PLEKHG1: variants seen among roughly 807,000 people sequenced by gnomAD.
PLEKHG1 encodes the protein pleckstrin homology and RhoGEF domain containing G1.
A neutral mutation model predicts 100.8 loss-of-function variants in PLEKHG1; 44 were observed. The observed-to-expected ratio is 0.44, with a 90% confidence interval of 0.34 to 0.56. PLEKHG1 has a LOEUF of 0.56. PLEKHG1 is among the 20% of genes least tolerant of loss of function. The pLI is 0.01. For missense variants in PLEKHG1, 1,545 were observed against 1,720.9 expected (o/e 0.90, Z 1.81); for synonymous variants, 640 against 662.5 (o/e 0.97, Z 0.52).
intron 5 of PLEKHG1, among the ~76,000 whole-genome samples, chr6:150,797,043 T>A (rs1473067168): frequency 6.6e-6 from 1 of 151,958 alleles, no homozygotes; most frequent in Non-Finnish European, 1.5e-5. Flanking sequence ...CAGGCTGGAG[T>A]GCAGTGGCGC....
chr6:150,649,112 T>C (rs984721755), intron 2 of PLEKHG1, among the ~76,000 whole-genome samples: 3 of 152,158 alleles, frequency 2.0e-5, no homozygotes, highest in African/African-American at 7.2e-5. Context: ...GCTTAAACAT[T>C]TAATTTCTTT....
At chr6:150,701,459 ATATATAT>A (rs2128599079) in intron 3 of PLEKHG1, among the ~76,000 whole-genome samples, 1 of 82,684 alleles carries the variant, frequency 1.2e-5, no homozygotes, top group Admixed American at 1.1e-4. Context: ...ATATATATAT[ATATATAT>A]AATTATACTT....
At chr6:150,610,848 T>C (rs1349240001) in intron 1 of PLEKHG1, among the ~76,000 whole-genome samples, 6 of 152,246 alleles carry the variant, frequency 3.9e-5, no homozygotes, top group African/African-American at 1.2e-4. Context: ...CACTGGTTTA[T>C]TGTAGAGTTG....
chr6:150,767,641 C>A (rs1405690827), intron 2 of PLEKHG1, among the ~76,000 whole-genome samples: 1 of 152,204 alleles, frequency 6.6e-6, no homozygotes, highest in East Asian at 1.9e-4. Context: ...CTTCTCCTTT[C>A]TCTAGCTGCA....
intron 1 of PLEKHG1, among the ~76,000 whole-genome samples, chr6:150,607,167 A>G (rs1016735167): frequency 1.3e-5 from 2 of 152,180 alleles, no homozygotes; most frequent in African/African-American, 2.4e-5. Flanking sequence ...TAAGCATTCC[A>G]GGGATGCTGG....
intron 1 of PLEKHG1, chr6:150,626,165 G>A (rs951654877): frequency 1.3e-5 from 2 of 150,900 alleles, no homozygotes; most frequent in African/African-American, 2.4e-5. Context: ...GGGGCGGGGG[G>A]TCTGTTGTAC....
intron 2 of PLEKHG1, among the ~76,000 whole-genome samples, chr6:150,741,876 C>T (rs981183443): frequency 5.9e-5 from 9 of 152,184 alleles, no homozygotes; most frequent in African/African-American, 2.2e-4. Context: ...GAGTTGTGTA[C>T]GTTGTAGGAA....
At chr6:150,608,242 T>A (rs997561305) in intron 1 of PLEKHG1, among the ~76,000 whole-genome samples, 6 of 152,188 alleles carry the variant, frequency 3.9e-5, no homozygotes. Context: ...TTAGAACTTA[T>A]CTGAAAATGG....
chr6:150,649,316 A>T (rs1346809209), intron 2 of PLEKHG1, among the ~76,000 whole-genome samples: 2 of 152,168 alleles, frequency 1.3e-5, no homozygotes, highest in African/African-American at 4.8e-5. Flanking sequence ...GTTTTTCAAA[A>T]ATTTTGGAAT....
chr6:150,792,367 A>AG (rs1467712284), intron 4 of PLEKHG1, among the ~76,000 whole-genome samples: 3 of 144,400 alleles, frequency 2.1e-5, no homozygotes, highest in African/African-American at 7.7e-5. Context: ...CAAAAAAAAA[A>AG]AAAACCAAAA....
At chr6:150,726,237 A>T (rs1288621256) in intron 1 of PLEKHG1, among the ~76,000 whole-genome samples, 1 of 152,194 alleles carries the variant, frequency 6.6e-6, no homozygotes, top group Non-Finnish European at 1.5e-5. Flanking sequence ...TATACTTAAA[A>T]TACTGCTAAG....
intron 1 of PLEKHG1, among the ~76,000 whole-genome samples, chr6:150,732,414 G>GA (rs1344705467): frequency 1.1e-4 from 17 of 152,194 alleles, no homozygotes; most frequent in African/African-American, 4.1e-4. Context: ...GCTGTGTTGA[G>GA]AGGATAAGTT....
intron 6 of PLEKHG1, among the ~76,000 whole-genome samples, chr6:150,801,117 C>G (rs868365032): frequency 6.6e-6 from 1 of 152,160 alleles, no homozygotes; most frequent in East Asian, 1.9e-4. Flanking sequence ...AGGAGTGCCT[C>G]GCCCTGTGCA....
intron 3 of PLEKHG1, among the ~76,000 whole-genome samples, chr6:150,661,154 G>A (rs181092623): frequency 1.3e-3 from 194 of 152,312 alleles, no homozygotes; most frequent in Non-Finnish European, 1.8e-3. Context: ...GGTCTCACTC[G>A]CCTTGTCTAC....
intron 3 of PLEKHG1, among the ~76,000 whole-genome samples, chr6:150,714,592 T>C (rs1351971078): frequency 6.6e-6 from 1 of 152,190 alleles, no homozygotes; most frequent in Admixed American, 6.5e-5. Flanking sequence ...TTTTCTAAAA[T>C]TCTTAGGACC....
At chr6:150,754,669 CTTT>C (rs1203495060) in intron 2 of PLEKHG1, among the ~76,000 whole-genome samples, 6 of 134,906 alleles carry the variant, frequency 4.4e-5, no homozygotes, top group Admixed American at 7.4e-5. Flanking sequence ...GACTTTCTTT[CTTT>C]TTTTTTTTTT....
chr6:150,795,698 G>T (rs1786284407), intron 4 of PLEKHG1, among the ~76,000 whole-genome samples, 158 bp from the exon 6 acceptor site: 1 of 150,068 alleles, frequency 6.7e-6, no homozygotes, highest in Non-Finnish European at 1.5e-5. Flanking sequence ...CTCCAGCCTG[G>T]CCAACAAGAG....
rs543822644 is a variant in PLEKHG1, at chr6:150,615,380, C to G, written c.-204+15363C>G. Among the ~76,000 whole-genome samples the G allele has an allele frequency of 1.3e-4, 20 of 152,270 alleles. 1 individual carries two copies. In the South Asian group the frequency reaches 4.1e-3, roughly 32 times the overall value. ...GATAACTTTCTACTGGAATGTACAC[C>G]ATTGAGCTTTCTTCTCTGATATGTC... On this transcript the variant is annotated intron_variant, in intron 1 of 3. Transcript: ENST00000367326.
chr6:150,698,943 C>T (rs1780657921), intron 3 of PLEKHG1, among the ~76,000 whole-genome samples: 1 of 152,124 alleles, frequency 6.6e-6, no homozygotes, highest in African/African-American at 2.4e-5. Flanking sequence ...TAATATGTAT[C>T]GTTTTCTCAT....
Sources: allele counts gnomAD v4.1 joint callset (sites outside exome capture counted in the v4.1 genomes callset), GRCh38; gene constraint gnomAD v4.1.1; transcripts MANE v1.5; gene names NCBI Gene and HGNC (gene_info 2026-07-23, HGNC 2026-07-21).